HIVEP1: variants seen among roughly 807,000 people sequenced by gnomAD.
HIVEP1 encodes the protein zinc finger protein 40.
Under a neutral mutation model 180.0 loss-of-function variants are expected in HIVEP1, and 36 were observed. The ratio of observed to expected loss-of-function variants is 0.20; its 90% confidence interval spans 0.15 to 0.26. The LOEUF is 0.26. HIVEP1 is among the 10% of genes least tolerant of loss of function. The pLI, the probability that HIVEP1 is intolerant of heterozygous loss-of-function variation, is 1.00. For missense variants in HIVEP1, 3,143 were observed against 3,268.7 expected (o/e 0.96, Z 0.94); for synonymous variants, 1,239 against 1,239.0 (o/e 1.00, Z 0.00).
At chr6:12,138,123 A>C (rs1758805338) in intron 7 of HIVEP1, among the ~76,000 whole-genome samples, 1 of 152,196 alleles carries the variant, frequency 6.6e-6, no homozygotes, top group African/African-American at 2.4e-5. Flanking sequence ...GTACATGTAT[A>C]TATCTATGAA....
chr6:12,073,731 C>T (rs889043496), intron 2 of HIVEP1, among the ~76,000 whole-genome samples: 1 of 152,110 alleles, frequency 6.6e-6, no homozygotes, highest in Non-Finnish European at 1.5e-5. Context: ...GCTATTCTGC[C>T]ATTACCAGAA....
intron 7 of HIVEP1, among the ~76,000 whole-genome samples, chr6:12,150,388 G>A (rs1394970908): frequency 2.0e-5 from 3 of 152,332 alleles, no homozygotes; most frequent in South Asian, 2.1e-4. Flanking sequence ...TAGGAGAACC[G>A]TTTAATATGA....
rs768488926 is a variant in HIVEP1 at position 12,124,087 on chromosome 6, G to A, written c.4292G>A (p.Arg1431Gln). The change falls in exon 4 of 9, where the codon CGG becomes CAG. Residue 1431 changes from arginine (R) to glutamine (Q), a missense_variant. By Grantham distance (43) the Arg-to-Gln change is conservative. Coordinates refer to ENST00000379388, the MANE Select transcript of HIVEP1 (RefSeq NM_002114.4). ...LLERRRGPLV[R>Q]QISLNIAPDS... ...GAAAGAAGGAGAGGCCCACTGGTACGGCAAATATCTTTAAACATAGCCCCA... is the reference window on the plus strand; with the variant it reads ...GAAAGAAGGAGAGGCCCACTGGTACAGCAAATATCTTTAAACATAGCCCCA... 8 of 1,614,068 alleles carry A rather than the reference G, an allele frequency of 5.0e-6. No individual in the cohort carries two copies. In the East Asian group the frequency reaches 6.7e-5, roughly 13 times the overall value.
chr6:12,036,389 C>T (rs1479889833), intron 2 of HIVEP1, among the ~76,000 whole-genome samples: 1 of 152,182 alleles, frequency 6.6e-6, no homozygotes, highest in Non-Finnish European at 1.5e-5. Context: ...ATAGGATATA[C>T]AATTGTATGG....
chr6:12,013,146 G>C (rs547525428), intron 1 of HIVEP1, among the ~76,000 whole-genome samples: 18 of 152,204 alleles, frequency 1.2e-4, no homozygotes, highest in Admixed American at 1.2e-3. Context: ...GCCTCATCTC[G>C]TCCTCCTCCT....
intron 3 of HIVEP1, 56 bp downstream of exon 3, chr6:12,089,293 A>C: frequency 2.1e-6 from 2 of 933,870 alleles, no homozygotes; most frequent in Non-Finnish European, 3.4e-6. Context: ...GCCTATACAT[A>C]TACCTCATAA....
In HIVEP1 at chr6:12,066,532, G is replaced by A. The variant is rs115461952; in HGVS notation, c.41-22652G>A. ...ATATGAAGTTACAAGCTTAATTACT[G>A]TTATTTTTGGCCAGAGTCCTTGGAA... On this transcript the variant is annotated intron_variant, in intron 2 of 8. Coordinates refer to ENST00000379388, the MANE Select transcript of HIVEP1 (RefSeq NM_002114.4). Among the ~76,000 whole-genome samples the A allele has an allele frequency of 9.1e-3, 1,391 of 152,274 alleles. 17 individuals are homozygous for A. Among genetic ancestry groups the A allele is most frequent in the African/African-American group, 0.032 (1,319 of 41,552 alleles).
chr6:12,071,515 A>T (rs114026210), intron 2 of HIVEP1, among the ~76,000 whole-genome samples: 3 of 152,142 alleles, frequency 2.0e-5, no homozygotes, highest in Non-Finnish European at 4.4e-5. Flanking sequence ...TTTCCTGTCA[A>T]CCCTCACAGT....
rs1176162641 is a variant in HIVEP1, at chr6:12,163,476, A to G, written c.7172A>G (p.Gln2391Arg). 1.2e-6 allele frequency: 2 copies of G among 1,614,060 alleles called. No individual in the cohort carries two copies. The highest frequency in any genetic ancestry group is 3.3e-5 in the Admixed American group (2 of 60,000). The change falls in exon 9 of 9, where the codon CAA (glutamine) becomes CGA (arginine). Residue 2391 changes from glutamine (Q) to arginine (R), a missense_variant. Physicochemically the swap from Gln to Arg is conservative, Grantham distance 43. Coordinates refer to ENST00000379388, the MANE Select transcript of HIVEP1 (RefSeq NM_002114.4). ...FSHLPLHSQQQSRTPYNMVPV... is the reference protein window; with the variant it reads ...FSHLPLHSQQRSRTPYNMVPV... ...CACCTTCCTTTGCATTCCCAGCAGC[A>G]ATCGAGGACACCTTATAATATGGTT... is the stretch of plus-strand genomic sequence containing the variant.
chr6:12,159,192 G>A (rs886206098), intron 7 of HIVEP1, among the ~76,000 whole-genome samples: 1 of 149,820 alleles, frequency 6.7e-6, no homozygotes, highest in Admixed American at 6.6e-5. Flanking sequence ...TAGGCTGTAC[G>A]TGTGTGTGTG....
intron 3 of HIVEP1, among the ~76,000 whole-genome samples, chr6:12,105,952 T>G (rs189692175): frequency 3.0e-4 from 46 of 152,012 alleles, no homozygotes; most frequent in African/African-American, 8.9e-4. Flanking sequence ...CCCAAAAATT[T>G]TGAAATATGG....
the HIVEP1 span, among the ~76,000 whole-genome samples, chr6:12,197,633 G>A: frequency 6.6e-6 from 1 of 151,900 alleles, no homozygotes; most frequent in Non-Finnish European, 1.5e-5. Flanking sequence ...AGGTGGGAAG[G>A]GTAGGTTAGA....
chr6:12,085,839 T>TTA (rs1428769240), intron 2 of HIVEP1, among the ~76,000 whole-genome samples: 1 of 152,180 alleles, frequency 6.6e-6, no homozygotes, highest in African/African-American at 2.4e-5. Flanking sequence ...TGATTTGTTT[T>TTA]TAATTCAGTC....
intron 2 of HIVEP1, among the ~76,000 whole-genome samples, chr6:12,024,856 A>G (rs1581517960): frequency 6.6e-6 from 1 of 152,160 alleles, no homozygotes; most frequent in Admixed American, 6.6e-5. Flanking sequence ...AGAATTACAC[A>G]TTTTACAGCA....
upstream of HIVEP1, chr6:12,007,777 G>C (rs924914236): frequency 6.6e-6 from 1 of 151,480 alleles, no homozygotes; most frequent in African/African-American, 2.4e-5. Flanking sequence ...CCCAGGATGG[G>C]ACTCTGCTCA....
At chr6:12,204,080 A>C in the HIVEP1 span, among the ~76,000 whole-genome samples, 1 of 152,102 alleles carries the variant, frequency 6.6e-6, no homozygotes, top group East Asian at 1.9e-4. Context: ...CCATCTGAAA[A>C]AAAAAAAGAA....
At chr6:12,086,394 A>G (rs1342041651) in intron 2 of HIVEP1, among the ~76,000 whole-genome samples, 2 of 152,154 alleles carry the variant, frequency 1.3e-5, no homozygotes, top group African/African-American at 2.4e-5. Flanking sequence ...TTGTATAACT[A>G]TTTTTATTTT....
chr6:12,122,698 A>G lies in HIVEP1; in HGVS notation c.2903A>G (p.Tyr968Cys), dbSNP rs759992369. 1.2e-6 allele frequency: 2 copies of G among 1,614,096 alleles called. No homozygotes were observed. Among genetic ancestry groups the G allele is most frequent in the Non-Finnish European group, 8.5e-7 (1 of 1,180,014 alleles). Residue 968 changes from tyrosine (Y) to cysteine (C), a missense_variant, in exon 4 of 9, where the codon TAT becomes TGT. By Grantham distance (194) the Tyr-to-Cys change is radical. This residue lies in a region of HIVEP1 where 204 missense variants were observed against 243.7 expected (regional missense o/e 0.84). Coordinates refer to ENST00000379388, the MANE Select transcript of HIVEP1 (RefSeq NM_002114.4). Reference protein sequence around the residue: ...MFECETCRNRYRKLENFENHK... With the variant: ...MFECETCRNRCRKLENFENHK... ...GAGTGTGAAACTTGTAGAAACAGGT[A>G]TAGGAAACTGGAAAATTTTGAAAAT...
chr6:12,167,828 TATG>T (rs1760768448), downstream of HIVEP1, among the ~76,000 whole-genome samples: 1 of 145,520 alleles, frequency 6.9e-6, no homozygotes, highest in Non-Finnish European at 1.5e-5. Flanking sequence ...GCGTATATAA[TATG>T]TACACATGTA....
Sources: gnomAD v4.1 joint callset for allele counts (sites outside exome capture counted in the v4.1 genomes callset) on GRCh38, gnomAD v4.1.1 for gene constraint, gnomAD v4.1.1 regional missense constraint, MANE v1.5 for transcripts, NCBI Gene and HGNC (gene_info 2026-07-23, HGNC 2026-07-21) for gene names.